The following ZFYVE27 variants were observed in gnomAD, a reference collection of about 807,000 sequenced individuals.
ZFYVE27 encodes zinc finger FYVE-type containing 27, also known as protrudin.
Under a neutral mutation model 52.8 loss-of-function variants are expected in ZFYVE27, and 36 were observed. The observed-to-expected ratio is 0.68, with a 90% CI of 0.52 to 0.90. The LOEUF (loss-of-function observed/expected upper bound fraction) is 0.90. ZFYVE27 is among the 40% of genes least tolerant of loss of function. ZFYVE27 has a pLI of 0.00. For missense variants in ZFYVE27, 450 were observed against 527.2 expected, an observed-to-expected ratio of 0.85 and a Z score of 1.43; for synonymous variants, 223 against 215.6, an observed-to-expected ratio of 1.03 and a Z score of -0.30.
intron 2 of ZFYVE27, chr10:97,738,898 GTTC>G: frequency 1.8e-6 from 1 of 570,376 alleles, no homozygotes; most frequent in South Asian, 2.0e-5. Context: ...TTTCAGCAAG[GTTC>G]TTCTTTGTGA....
chr10:97,740,557 G>A (rs757765506), intron 2 of ZFYVE27, among the ~76,000 whole-genome samples: 11 of 152,198 alleles, frequency 7.2e-5, no homozygotes, highest in South Asian at 2.1e-4. Context: ...CTACTAGTCC[G>A]TAGTGCGTCT....
At chr10:97,749,087 C>T (rs1590055225) in intron 5 of ZFYVE27, among the ~76,000 whole-genome samples, 1 of 152,332 alleles carries the variant, frequency 6.6e-6, no homozygotes, top group Non-Finnish European at 1.5e-5. Flanking sequence ...GGCGCTACTT[C>T]AGTCCCCATC....
chr10:97,747,014 T>C (rs2045626707), intron 4 of ZFYVE27, among the ~76,000 whole-genome samples: 1 of 152,206 alleles, frequency 6.6e-6, no homozygotes, highest in Non-Finnish European at 1.5e-5. Context: ...TGTATCAGTT[T>C]CCCTGATCTG....
intron 2 of ZFYVE27, among the ~76,000 whole-genome samples, chr10:97,739,006 A>G (rs1212650394): frequency 6.6e-6 from 1 of 152,144 alleles, no homozygotes; most frequent in African/African-American, 2.4e-5. Flanking sequence ...TGCCCCCAAT[A>G]TTAGCATAAT....
chr10:97,748,321 G>A lies in ZFYVE27; in HGVS notation c.508G>A (p.Ala170Thr), dbSNP rs555051885. The change falls in exon 5 of 13, where the codon GCC becomes ACC. Residue 170 changes from alanine (A) to threonine (T), a missense_variant. Transcript: ENST00000684270. ...LSRLCCTCEA[A>T]YRVLHWENPV... ...CCGCCTGTGCTGCACATGTGAAGCC[G>A]CCTACCGCGTGCTGCACTGGGAGAA... 267 of 1,614,122 alleles carry A rather than the reference G, an allele frequency of 1.7e-4. 2 individuals are homozygous for A. The East Asian group carries it at 5.3e-3, about 32-fold the overall frequency.
intron 11 of ZFYVE27, 112 bp downstream of exon 11, chr10:97,757,423 G>A: frequency 2.0e-6 from 3 of 1,511,734 alleles, no homozygotes; most frequent in Non-Finnish European, 2.7e-6. Context: ...ATTGGGCCTG[G>A]CAGTGGCTTT....
In ZFYVE27 at chr10:97,750,406, C is replaced by T. The variant is rs1314399015; in HGVS notation, c.740C>T (p.Pro247Leu). Residue 247 changes from proline to leucine, a missense_variant, in exon 7 of 13, where the codon CCA (proline) becomes CTA (leucine). Physicochemically the swap from Pro to Leu is moderately conservative, Grantham distance 98 (BLOSUM62 -3). Transcript: ENST00000684270. ...GAAGAGCATGCCTTTGAGAGTCCTCCACCACCAGATGTTGGGGGGAAGGAT... is the reference window on the plus strand; with the variant it reads ...GAAGAGCATGCCTTTGAGAGTCCTCTACCACCAGATGTTGGGGGGAAGGAT... Reference protein sequence around the residue: ...KQEEHAFESPPPPDVGGKDGL... With the variant: ...KQEEHAFESPLPPDVGGKDGL... 1.2e-6 allele frequency: 2 copies of T among 1,614,172 alleles called. No homozygotes were observed. The highest frequency in any genetic ancestry group is 1.7e-5 in the Admixed American group (1 of 60,032).
chr10:97,748,937 A>C (rs1176043593), intron 5 of ZFYVE27, among the ~76,000 whole-genome samples: 2 of 152,216 alleles, frequency 1.3e-5, no homozygotes, highest in African/African-American at 4.8e-5. Flanking sequence ...TGAAACTACC[A>C]TATCAAACAG....
At chr10:97,755,993 G>A (rs1399171062) in intron 10 of ZFYVE27, among the ~76,000 whole-genome samples, 5 of 152,210 alleles carry the variant, frequency 3.3e-5, no homozygotes. Flanking sequence ...CCTGGCTCCG[G>A]TCTGTGAGTG....
chr10:97,738,538 G>C lies in ZFYVE27; in HGVS notation c.61G>C (p.Ala21Pro), dbSNP rs770254668. ...GCTGAGCCCCAGCGTGATGCCCGAG[G>C]CTCCCCTGGAGTCTCCACCTTTTCC... ...PELSPSVMPE[A>P]PLESPPFPTK... Residue 21 changes from alanine (A) to proline (P), a missense_variant, in exon 2 of 13, where the codon GCT becomes CCT. Physicochemically the swap from Ala to Pro is conservative, Grantham distance 27 (BLOSUM62 -1). Transcript: ENST00000684270. 2.5e-6 allele frequency: 4 copies of C among 1,614,196 alleles called. No individual in the cohort carries two copies. Among genetic ancestry groups the C allele is most frequent in the Admixed American group, 3.3e-5 (2 of 60,024 alleles).
In ZFYVE27 at chr10:97,743,110, T is replaced by A. The variant is rs758648312; in HGVS notation, c.214T>A (p.Cys72Ser). The A allele has an allele frequency of 6.2e-7, 1 of 1,614,256 alleles. No individual in the cohort carries two copies. The highest frequency in any genetic ancestry group is 1.1e-5 in the South Asian group (1 of 91,092). ...GTATTGTAGGTGGCAGATGCCTTTG[T>A]GTTCCTTGCTGACCTGCCTGGGCCT... ...RYLLRWQMPL[C>S]SLLTCLGLNV... Residue 72 changes from cysteine (C) to serine (S), a missense_variant, in exon 3 of 13, where the codon TGT (cysteine) becomes AGT (serine). Physicochemically the swap from Cys to Ser is moderately radical, Grantham distance 112. Transcript: ENST00000684270.
chr10:97,747,344 G>A (rs1178565282), intron 4 of ZFYVE27, among the ~76,000 whole-genome samples: 1 of 152,154 alleles, frequency 6.6e-6, no homozygotes, highest in South Asian at 2.1e-4. Flanking sequence ...AGTAATTTGA[G>A]GGGAGATACT....
Position 97,749,562 on chromosome 10 carries a change from C to T in ZFYVE27, c.640C>T (p.Leu214=). The T allele has an allele frequency of 3.1e-6, 5 of 1,614,184 alleles. No homozygotes were observed. The highest frequency in any genetic ancestry group is 4.2e-6 in the Non-Finnish European group (5 of 1,180,010). The change falls in exon 6 of 13, where the codon CTG becomes TTG. Residue 214 remains leucine, a synonymous_variant. Coordinates refer to ENST00000684270, the MANE Select transcript of ZFYVE27 (RefSeq NM_001385875.1). The part of the protein sequence containing the change: ...VLTLLNSTLF[L]GNVEFFRVVS... ...CACCCTTTTAAACAGCACGCTCTTT[C>T]TGGGGAATGTGGAGTTCTTCCGAGG...
chr10:97,740,447 G>A (rs2043310908), intron 2 of ZFYVE27, among the ~76,000 whole-genome samples: 1 of 152,246 alleles, frequency 6.6e-6, no homozygotes, highest in Non-Finnish European at 1.5e-5. Context: ...TTCTTTAGGA[G>A]AGAGGCTGTG....
At position 97,759,255 on chromosome 10, in the gene ZFYVE27, G is replaced by A; in HGVS notation, c.1191G>A (p.Glu397=). ...MGATAPEAQR[E]TVFVCASCNQ... is the part of the protein sequence containing the mutation. ...TTTCAGCCCCTGAAGCCCAGAGGGA[G>A]ACTGTGTTTGTGTGTGCCTCGTGTA... The change falls in exon 13 of 13, where the codon GAG becomes GAA. Residue 397 remains glutamate (E), a synonymous_variant. Coordinates refer to ENST00000684270, the MANE Select transcript of ZFYVE27 (RefSeq NM_001385875.1). 6.2e-7 allele frequency: 1 copy of A among 1,614,192 alleles called. No homozygotes were observed.
intron 10 of ZFYVE27, 54 bp from the exon 11 acceptor site, chr10:97,757,211 G>A (rs1033116397): frequency 7.4e-6 from 12 of 1,613,352 alleles, no homozygotes; most frequent in Non-Finnish European, 9.3e-6. Context: ...AGGAGCAGGT[G>A]AGCGTGAGAG....
chr10:97,759,596 G>C lies in ZFYVE27; in HGVS notation c.*296G>C. 2.1e-6 allele frequency: 1 copy of C among 481,814 alleles called. No individual in the cohort carries two copies. The highest frequency in any genetic ancestry group is 4.0e-5 in the East Asian group (1 of 25,204). 29.8% of individuals were successfully genotyped at this position (481,814 alleles called of 1,614,324 possible). ...GAGTGGACTTAGGGCTGGGCAGGCA[G>C]TAGCCACCAGAGGGCAGCAGCGAAC... On this transcript the variant is annotated 3_prime_UTR_variant, in exon 13 of 13. Coordinates refer to ENST00000684270, the MANE Select transcript of ZFYVE27 (RefSeq NM_001385875.1).
At chr10:97,757,355 G>A in intron 11 of ZFYVE27, 44 bp downstream of exon 11, 1 of 1,613,036 alleles carries the variant, frequency 6.2e-7, no homozygotes, top group South Asian at 1.1e-5. Context: ...AGTGTCCTTG[G>A]GACTGTCGGG....
intron 2 of ZFYVE27, among the ~76,000 whole-genome samples, chr10:97,741,620 G>T (rs936182532): frequency 6.6e-6 from 1 of 152,110 alleles, no homozygotes; most frequent in Non-Finnish European, 1.5e-5. Context: ...ATTGAGGGGT[G>T]GGGGCTAGAG....
Sources: allele counts gnomAD v4.1 joint callset (sites outside exome capture counted in the v4.1 genomes callset), GRCh38; gene constraint gnomAD v4.1.1; transcripts MANE v1.5; gene names NCBI Gene and HGNC (gene_info 2026-07-23, HGNC 2026-07-21).